Variants in IGFN1 observed in about 807,000 individuals in gnomAD.
The protein encoded by IGFN1 is immunoglobulin like and fibronectin type III domain containing 1.
Under a neutral mutation model 289.5 loss-of-function variants are expected in IGFN1, and 253 were observed. The ratio of observed to expected loss-of-function variants is 0.87; its 90% confidence interval spans 0.79 to 0.97. The LOEUF (loss-of-function observed/expected upper bound fraction) is 0.97, where lower values mean the gene tolerates loss of function less well. Ranked by LOEUF, IGFN1 falls within the 50% of genes least tolerant of loss-of-function variation. The pLI is 0.00. For synonymous variants in IGFN1, 1,706 were observed against 1,788.5 expected, an observed-to-expected ratio of 0.95 and a Z score of 1.16; for missense variants, 4,470 against 4,686.1, an observed-to-expected ratio of 0.95 and a Z score of 1.35.
rs1653762001 is a variant in IGFN1 at position 201,221,863 on chromosome 1, T to C, written c.10201+117T>C. 3 of 848,900 alleles carry C rather than the reference T, an allele frequency of 3.5e-6. No homozygotes were observed. In the African/African-American group the frequency reaches 5.1e-5, roughly 15 times the overall value. 52.6% of individuals were successfully genotyped at this position (848,900 alleles called of 1,614,324 possible). On this transcript the variant is annotated intron_variant, in intron 19 of 23. Coordinates refer to ENST00000335211, the MANE Select transcript of IGFN1 (RefSeq NM_001164586.2). ...GATCCCCACCCTCAGTTTCAGGAAG[T>C]AACATTTATTGAGCACCTACTAGGT...
At chr1:201,228,284 G>A in intron 23 of IGFN1, 102 bp from the exon 24 acceptor site, 2 of 1,186,354 alleles carry the variant, frequency 1.7e-6, no homozygotes, top group South Asian at 1.2e-5. Flanking sequence ...TGATGGCAGA[G>A]CCTGTAGTCT....
chr1:201,193,633 GT>G (rs1372113239), intron 2 of IGFN1, among the ~76,000 whole-genome samples: 1 of 152,096 alleles, frequency 6.6e-6, no homozygotes, highest in Non-Finnish European at 1.5e-5. Context: ...TGTATTTTTA[GT>G]AAAGGTGGGG....
In IGFN1 at chr1:201,217,423, C is replaced by A; in HGVS notation, c.9732C>A (p.Ser3244Arg). The A allele has an allele frequency of 6.2e-7, 1 of 1,614,178 alleles. No homozygotes were observed. Among genetic ancestry groups the A allele is most frequent in the Non-Finnish European group, 8.5e-7 (1 of 1,180,014 alleles). ...GYLIERRKKG[S>R]NTWTAVNDQP... Reference sequence around the variant, plus strand: ...TGATCGAGAGGCGTAAGAAGGGGAGCAACACCTGGACGGCAGTGAACGACC... The same window carrying A: ...TGATCGAGAGGCGTAAGAAGGGGAGAAACACCTGGACGGCAGTGAACGACC... Residue 3244 changes from serine (S) to arginine (R), a missense_variant, in exon 17 of 24, where the codon AGC becomes AGA. Ser to Arg is a moderately radical substitution (Grantham distance 110). Coordinates refer to ENST00000335211, the MANE Select transcript of IGFN1 (RefSeq NM_001164586.2).
At chr1:201,202,263 A>G (rs981347607) in intron 9 of IGFN1, among the ~76,000 whole-genome samples, 3 of 152,174 alleles carry the variant, frequency 2.0e-5, no homozygotes, top group Admixed American at 1.3e-4. Context: ...CTAGTTCTGT[A>G]GCCAAACTCA....
chr1:201,212,799 C>T lies in IGFN1; in HGVS notation c.7906C>T (p.Gln2636Ter). 6.4e-7 allele frequency: 1 copy of T among 1,551,434 alleles called. No homozygotes were observed. Among genetic ancestry groups the T allele is most frequent in the South Asian group, 1.2e-5 (1 of 84,048 alleles). ...APDWENQGFSQGSIDAGKQPA... is the reference protein window; with the variant it reads ...APDWENQGFS ...TGATTGGGAAAACCAGGGGTTTAGCCAAGGCAGCATAGATGCTGGGAAGCA... is the reference window on the plus strand; with the variant it reads ...TGATTGGGAAAACCAGGGGTTTAGCTAAGGCAGCATAGATGCTGGGAAGCA... Residue 2636 changes from glutamine (Q) to a stop codon, truncating the protein, a stop_gained, in exon 12 of 24, where the codon CAA (glutamine) becomes TAA (stop). Coordinates refer to ENST00000335211, the MANE Select transcript of IGFN1 (RefSeq NM_001164586.2). LOFTEE classifies it high-confidence loss of function.
chr1:201,197,185 A>G, intron 4 of IGFN1, 33 bp from the exon 5 acceptor site: 1 of 1,327,186 alleles, frequency 7.5e-7, no homozygotes, highest in Non-Finnish European at 1.1e-6. Flanking sequence ...GGGATGTGGT[A>G]GCCCTGTTCC....
At chr1:201,218,397 G>C in intron 17 of IGFN1, 133 bp from the exon 18 acceptor site, 1 of 779,324 alleles carries the variant, frequency 1.3e-6, no homozygotes, top group Admixed American at 2.8e-5. Context: ...CTGAGTCACA[G>C]CGGGTGGAGG....
In IGFN1 at chr1:201,195,864, G is replaced by T; in HGVS notation, c.153G>T (p.Val51=). Residue 51 remains valine, a synonymous_variant, in exon 4 of 24, where the codon GTG becomes GTT. Transcript: ENST00000335211. Reference sequence around the variant, plus strand: ...GGAAAAATGCTGTCTTTCGGGCTGTGGTCTGTGGGGAGCCCAGGCCCGAGG... The same window carrying T: ...GGAAAAATGCTGTCTTTCGGGCTGTTGTCTGTGGGGAGCCCAGGCCCGAGG... ...PEGKNAVFRA[V]VCGEPRPEVR... is the part of the protein sequence containing the mutation. 6.4e-7 allele frequency: 1 copy of T among 1,551,664 alleles called. No homozygotes were observed. The highest frequency in any genetic ancestry group is 1.2e-5 in the South Asian group (1 of 84,044).
rs1173898991 is a variant in IGFN1, at chr1:201,226,097, A to G, written c.10760A>G (p.Gln3587Arg). 1.2e-6 allele frequency: 2 copies of G among 1,601,866 alleles called. No homozygotes were observed. Among genetic ancestry groups the G allele is most frequent in the East Asian group, 2.2e-5 (1 of 44,596 alleles). ...GCCAGCAAACCCTCGGACACCAGCC[A>G]GCCCTGGTGCATCCCCCGGCAGCGC... ...LGASKPSDTS[Q>R]PWCIPRQRDR... is the part of the protein sequence containing the mutation. The change falls in exon 22 of 24, where the codon CAG (glutamine) becomes CGG (arginine). Residue 3587 changes from glutamine to arginine, a missense_variant. By Grantham distance (43) the Gln-to-Arg change is conservative. Around this residue, in one of 8 missense-constraint regions of IGFN1, gnomAD observed 2,218 missense variants for 2,114.1 expected, o/e 1.05. Coordinates refer to ENST00000335211, the MANE Select transcript of IGFN1 (RefSeq NM_001164586.2).
At position 201,227,203 on chromosome 1, in the gene IGFN1, T is replaced by A; in HGVS notation, c.11108T>A (p.Val3703Asp). 1.3e-6 allele frequency: 2 copies of A among 1,581,178 alleles called. No homozygotes were observed. Among genetic ancestry groups the A allele is most frequent in the Non-Finnish European group, 1.7e-6 (2 of 1,162,858 alleles). ...GCAGTCAGCACTGCCACCCTCATTGTCATAGGTAATGGTGGCTGCCCTGGC... is the reference window on the plus strand; with the variant it reads ...GCAGTCAGCACTGCCACCCTCATTGACATAGGTAATGGTGGCTGCCCTGGC... ...GQAVSTATLI[V>D]IEPST The change falls in exon 23 of 24, where the codon GTC becomes GAC. Residue 3703 changes from valine to aspartate, a missense_variant. Physicochemically the swap from Val to Asp is radical, Grantham distance 152. This residue lies in a region of IGFN1 where 2,218 missense variants were observed against 2,114.1 expected (regional missense o/e 1.05). Transcript: ENST00000335211.
intron 5 of IGFN1, 149 bp from the exon 6 acceptor site, chr1:201,199,185 C>T: frequency 1.4e-6 from 1 of 711,964 alleles, no homozygotes; most frequent in Non-Finnish European, 2.5e-6. Flanking sequence ...TGCTCCATCC[C>T]TCTTGCTGGG....
intron 4 of IGFN1, among the ~76,000 whole-genome samples, 160 bp downstream of exon 4, chr1:201,196,138 A>G (rs1323376540): frequency 1.3e-5 from 2 of 152,210 alleles, no homozygotes; most frequent in African/African-American, 2.4e-5. Context: ...TGCCTGAGCC[A>G]AGAATGGATC....
chr1:201,217,825 G>A (rs115482263), intron 17 of IGFN1, among the ~76,000 whole-genome samples: 201 of 152,336 alleles, frequency 1.3e-3, no homozygotes, highest in African/African-American at 4.7e-3. Context: ...CAGAGATGAA[G>A]CTGTTAGCCC....
At chr1:201,193,427 C>A (rs536721903) in intron 2 of IGFN1, 127 bp downstream of exon 2, 2 of 667,374 alleles carry the variant, frequency 3.0e-6, no homozygotes, top group Non-Finnish European at 5.2e-6. Context: ...TTTTTTTCTC[C>A]TTATTTTATT....
chr1:201,216,833 G>A (rs898424570), intron 16 of IGFN1, 80 bp downstream of exon 16: 1 of 1,247,382 alleles, frequency 8.0e-7, no homozygotes, highest in Non-Finnish European at 1.1e-6. Context: ...CTGTCCCAGA[G>A]GCTGAGTGAC....
At chr1:201,192,136 G>A (rs946343861) in intron 1 of IGFN1, among the ~76,000 whole-genome samples, 9 of 152,224 alleles carry the variant, frequency 5.9e-5, no homozygotes, top group Non-Finnish European at 1.2e-4. Context: ...CGCAGTTGGC[G>A]TACCATGGCA....
rs1453174806 is a variant in IGFN1, at chr1:201,195,845, A to T, written c.134A>T (p.Asn45Ile). Residue 45 changes from asparagine (N) to isoleucine (I), a missense_variant, in exon 4 of 24, where the codon AAT becomes ATT. Coordinates refer to ENST00000335211, the MANE Select transcript of IGFN1 (RefSeq NM_001164586.2). ...PVTSALPEGK[N>I]AVFRAVVCGE... ...TCGTCTCTTCCTGCTGCAGGGAAAA[A>T]TGCTGTCTTTCGGGCTGTGGTCTGT... 1 of 1,551,296 alleles carries T rather than the reference A, an allele frequency of 6.4e-7. No homozygotes were observed. The highest frequency in any genetic ancestry group is 2.4e-5 in the East Asian group (1 of 40,912).
In IGFN1 at chr1:201,209,289, G is replaced by A. The variant is rs1051274042; in HGVS notation, c.4396G>A (p.Ala1466Thr). 4.7e-6 allele frequency: 7 copies of A among 1,485,434 alleles called. No homozygotes were observed. The highest frequency in any genetic ancestry group is 1.7e-4 in the Middle Eastern group (1 of 5,742). 92.0% of individuals were successfully genotyped at this position (1,485,434 alleles called of 1,614,324 possible). The change falls in exon 12 of 24, where the codon GCT (alanine) becomes ACT (threonine). Residue 1466 changes from alanine to threonine, a missense_variant. Physicochemically the swap from Ala to Thr is moderately conservative, Grantham distance 58. Around this residue, in one of 8 missense-constraint regions of IGFN1, gnomAD observed 2,011 missense variants for 1,953.4 expected, o/e 1.03. Transcript: ENST00000335211. ...GGCAGGTTATAGGAAAAATTTGGGA[G>A]CTCCTGAGAGAATGGATTCAGGGAG... ...DEAGYRKNLG[A>T]PERMDSGSKA...
Position 201,211,191 on chromosome 1 carries a change from T to C in IGFN1, c.6298T>C (p.Ser2100Pro), listed in dbSNP as rs1365612304. 6.6e-7 allele frequency: 1 copy of C among 1,524,856 alleles called. No homozygotes were observed. The highest frequency in any genetic ancestry group is 8.7e-7 in the Non-Finnish European group (1 of 1,143,426). 94.5% of individuals were successfully genotyped at this position (1,524,856 alleles called of 1,614,324 possible). The change falls in exon 12 of 24, where the codon TCA becomes CCA. Residue 2100 changes from serine (S) to proline (P), a missense_variant. Physicochemically the swap from Ser to Pro is moderately conservative, Grantham distance 74. Around this residue, in one of 8 missense-constraint regions of IGFN1, gnomAD observed 2,218 missense variants for 2,114.1 expected, o/e 1.05. Transcript: ENST00000335211. ...DGLGGSEEME[S>P]MDEAGYRKDL... The stretch of plus-strand genomic sequence containing the variant: ...TTTAGGGGGTTCTGAAGAAATGGAG[T>C]CAATGGATGAGGCAGGTTATAGGAA...
Sources: gnomAD v4.1 joint callset for allele counts (sites outside exome capture counted in the v4.1 genomes callset) on GRCh38, gnomAD v4.1.1 for gene constraint, gnomAD v4.1.1 regional missense constraint, MANE v1.5 for transcripts, NCBI Gene and HGNC (gene_info 2026-07-23, HGNC 2026-07-21) for gene names.